The following KIAA1217 variants were observed in gnomAD, a reference collection of about 807,000 sequenced individuals.
The protein encoded by KIAA1217 is sickle tail protein homolog.
A neutral mutation model predicts 163.9 loss-of-function variants in KIAA1217; 88 were observed. That is an observed-to-expected ratio of 0.54 (90% confidence interval 0.45 to 0.64). The LOEUF is 0.64. Among genes scored for constraint, KIAA1217 ranks in the 30% least tolerant of loss-of-function variants. KIAA1217 has a pLI of 0.00. For missense variants in KIAA1217, 2,372 were observed against 2,475.0 expected (o/e 0.96, Z 0.88); for synonymous variants, 903 against 923.1 (o/e 0.98, Z 0.39).
rs149764267 is a variant in KIAA1217 at position 24,362,738 on chromosome 10, C to T, written c.355-18131C>T. Reference sequence around the variant, plus strand: ...TTTCTGGGCCGGGCGCGGTGGCTCACGCCTATAATCCCAGCACTTTGAGAG... The same window carrying T: ...TTTCTGGGCCGGGCGCGGTGGCTCATGCCTATAATCCCAGCACTTTGAGAG... On this transcript the variant is annotated intron_variant, in intron 2 of 20. Transcript: ENST00000376454. Among the ~76,000 whole-genome samples, 1,147 of 152,260 alleles carry T rather than the reference C, an allele frequency of 7.5e-3. 12 individuals carry two copies. The highest frequency in any genetic ancestry group is 0.026 in the African/African-American group (1,100 of 41,544).
chr10:23,934,979 C>T (rs1171733185), intron 1 of KIAA1217, among the ~76,000 whole-genome samples: 1 of 152,040 alleles, frequency 6.6e-6, no homozygotes, highest in Non-Finnish European at 1.5e-5. Context: ...ATAAATTCAT[C>T]TAGCCTCCAT....
At chr10:24,121,587 A>G (rs1459571423) in intron 2 of KIAA1217, among the ~76,000 whole-genome samples, 1 of 152,168 alleles carries the variant, frequency 6.6e-6, no homozygotes, top group African/African-American at 2.4e-5. Flanking sequence ...TGCTCTCATG[A>G]AACATGTTTT....
chr10:24,534,995 C>T (rs1436703479), intron 16 of KIAA1217, among the ~76,000 whole-genome samples: 2 of 151,968 alleles, frequency 1.3e-5, no homozygotes, highest in Non-Finnish European at 1.5e-5. Flanking sequence ...ATCCGCAACT[C>T]GATCAATGGC....
At chr10:23,896,234 G>A (rs914843878) in intron 1 of KIAA1217, among the ~76,000 whole-genome samples, 1 of 151,872 alleles carries the variant, frequency 6.6e-6, no homozygotes, top group African/African-American at 2.4e-5. Context: ...TTTATCTTTT[G>A]TTATTTTTAT....
chr10:24,228,275 CA>C (rs2070871857), intron 2 of KIAA1217, among the ~76,000 whole-genome samples: 1 of 151,772 alleles, frequency 6.6e-6, no homozygotes, highest in Non-Finnish European at 1.5e-5. Flanking sequence ...ACAACAACAA[CA>C]AAAAATCAAA....
intron 1 of KIAA1217, among the ~76,000 whole-genome samples, chr10:23,737,113 G>A (rs1327612254): frequency 6.6e-6 from 1 of 152,010 alleles, no homozygotes. Context: ...AATTTTATTA[G>A]GTATGTCTTG....
chr10:23,712,082 C>A (rs1837293335), intron 1 of KIAA1217, among the ~76,000 whole-genome samples: 1 of 152,074 alleles, frequency 6.6e-6, no homozygotes, highest in South Asian at 2.1e-4. Flanking sequence ...CTTCTAGTGA[C>A]CCCACAGGCA....
At chr10:24,031,361 C>T (rs1269630949) in intron 2 of KIAA1217, among the ~76,000 whole-genome samples, 1 of 152,130 alleles carries the variant, frequency 6.6e-6, no homozygotes, top group African/African-American at 2.4e-5. Context: ...AGTGCAGTGG[C>T]ACAATTACTG....
At chr10:24,130,619 T>G (rs2063619107) in intron 2 of KIAA1217, among the ~76,000 whole-genome samples, 1 of 152,124 alleles carries the variant, frequency 6.6e-6, no homozygotes, top group African/African-American at 2.4e-5. Flanking sequence ...TGTCAAGAAA[T>G]AAATATCCAG....
chr10:23,834,846 G>C (rs1163571459), intron 1 of KIAA1217, among the ~76,000 whole-genome samples: 3 of 152,128 alleles, frequency 2.0e-5, no homozygotes, highest in Non-Finnish European at 4.4e-5. Flanking sequence ...TGCCATGGAG[G>C]GGTGGCAGGT....
chr10:24,487,082 C>T lies in KIAA1217; in HGVS notation c.1680-7418C>T, dbSNP rs537389637. Among the ~76,000 whole-genome samples the T allele has an allele frequency of 5.9e-5, 9 of 152,322 alleles. No homozygotes were observed. In the South Asian group the frequency reaches 6.2e-4, roughly 11 times the overall value. On this transcript the variant is annotated intron_variant, in intron 6 of 20. Coordinates refer to ENST00000376454, the MANE Select transcript of KIAA1217 (RefSeq NM_019590.5). ...AATTGTATTTGGTCTACGGCTTCTC[C>T]GCTTGCCCTGGAACCCTGCTCAGAA...
intron 5 of KIAA1217, 62 bp from the exon 6 acceptor site, chr10:24,473,166 T>G: frequency 4.1e-6 from 5 of 1,207,556 alleles, no homozygotes; most frequent in Non-Finnish European, 5.9e-6. Flanking sequence ...GGTTACACAC[T>G]GAGACTTCTC....
intron 2 of KIAA1217, among the ~76,000 whole-genome samples, chr10:24,264,861 TTCTC>T (rs1175959775): frequency 1.3e-5 from 2 of 149,788 alleles, no homozygotes; most frequent in African/African-American, 2.5e-5. Context: ...CTGTCTCTCT[TTCTC>T]TCTTTCTTTC....
At chr10:24,428,570 G>A (rs1228522743) in intron 3 of KIAA1217, among the ~76,000 whole-genome samples, 1 of 152,058 alleles carries the variant, frequency 6.6e-6, no homozygotes, top group Non-Finnish European at 1.5e-5. Context: ...TCTAGCAAAA[G>A]CTCTTATAGC....
At chr10:24,224,658 T>G (rs1267477464) in intron 2 of KIAA1217, among the ~76,000 whole-genome samples, 8 of 152,204 alleles carry the variant, frequency 5.3e-5, no homozygotes, top group Middle Eastern at 3.4e-3. Context: ...TTTCCTCGTT[T>G]GTCAAAGGAA....
intron 2 of KIAA1217, among the ~76,000 whole-genome samples, chr10:24,363,741 T>A (rs937871671): frequency 1.3e-5 from 2 of 151,882 alleles, no homozygotes; most frequent in Admixed American, 6.6e-5. Context: ...CCAGCTAATT[T>A]TTGTATTTTT....
chr10:24,182,432 A>T (rs1428196069), intron 2 of KIAA1217, among the ~76,000 whole-genome samples: 3 of 142,882 alleles, frequency 2.1e-5, no homozygotes, highest in Non-Finnish European at 3.0e-5. Flanking sequence ...ACAGAGCAAG[A>T]CTCCATCACA....
chr10:24,018,749 C>T (rs1041260665), intron 2 of KIAA1217, among the ~76,000 whole-genome samples: 1 of 152,134 alleles, frequency 6.6e-6, no homozygotes, highest in South Asian at 2.1e-4. Context: ...AAAGAGATAA[C>T]TGCACTATCA....
At chr10:23,740,768 A>G (rs1298830927) in intron 1 of KIAA1217, among the ~76,000 whole-genome samples, 2 of 150,418 alleles carry the variant, frequency 1.3e-5, no homozygotes, top group African/African-American at 5.0e-5. Flanking sequence ...GGTTGTATGT[A>G]GGTTGAGATT....
Sources: allele counts gnomAD v4.1 joint callset (sites outside exome capture counted in the v4.1 genomes callset), GRCh38; gene constraint gnomAD v4.1.1; transcripts MANE v1.5; gene names NCBI Gene and HGNC (gene_info 2026-07-23, HGNC 2026-07-21).